The following CHAF1B variants were observed in gnomAD, a reference collection of about 807,000 sequenced individuals.
The protein encoded by CHAF1B is chromatin assembly factor 1 subunit B, also known as CAF-1 subunit B.
In CHAF1B, 10 loss-of-function variants were observed where a neutral mutation model predicts 60.7. The observed-to-expected ratio is 0.16, with a 90% CI of 0.10 to 0.28. CHAF1B has a LOEUF of 0.28. Among genes scored for constraint, CHAF1B ranks in the 10% least tolerant of loss-of-function variants. The probability of loss-of-function intolerance (pLI) is 1.00; values close to 1 mark genes in which losing one functional copy is unlikely to be tolerated. For missense variants in CHAF1B, 558 were observed against 708.4 expected (o/e 0.79, Z 2.41); for synonymous variants, 261 against 266.1 (o/e 0.98, Z 0.19).
intron 3 of CHAF1B, among the ~76,000 whole-genome samples, chr21:36,388,058 G>A (rs191707857): frequency 6.6e-6 from 1 of 152,170 alleles, no homozygotes; most frequent in Admixed American, 6.6e-5. Context: ...CCTGACCTCA[G>A]GTGATCCACC....
rs760522489 is a variant in CHAF1B, at chr21:36,413,188, G to A, written c.1366G>A (p.Val456Ile). 7 of 1,613,936 alleles carry A rather than the reference G, an allele frequency of 4.3e-6. No homozygotes were observed. In the Admixed American group the frequency reaches 1.0e-4, roughly 23 times the overall value. The change falls in exon 12 of 14, where the codon GTC (valine) becomes ATC (isoleucine). Residue 456 changes from valine to isoleucine, a missense_variant. Val to Ile is a conservative substitution (Grantham distance 29, BLOSUM62 3). Transcript: ENST00000314103. ...GGACCCTCCCTCCATCACTCCTGCT[G>A]TCAAAAGCCCCTTGCCGGGGCCTTC... ...IRDPPSITPA[V>I]KSPLPGPSEE...
At chr21:36,391,489 A>T in intron 3 of CHAF1B, 62 bp from the exon 4 acceptor site, 1 of 1,066,116 alleles carries the variant, frequency 9.4e-7, no homozygotes. Context: ...AATGAAAATA[A>T]AAATCCTAAT....
chr21:36,411,617 TA>T lies in CHAF1B; in HGVS notation c.1061+15del. 2 of 1,613,792 alleles carry T rather than the reference TA, an allele frequency of 1.2e-6. No individual in the cohort carries two copies. The highest frequency in any genetic ancestry group is 1.7e-6 in the Non-Finnish European group (2 of 1,179,852). On this transcript the variant is annotated intron_variant, in intron 11 of 13. Transcript: ENST00000314103. ...GTGACATTTCATGGTGAGTGGCTGC[TA>T]ATGAGGGAGAGTGAGTGAAGGAGAC...
In CHAF1B at chr21:36,417,495, A is replaced by C. The variant is rs542897476; in HGVS notation, c.*1129A>C. 2 of 151,878 alleles carry C rather than the reference A, an allele frequency of 1.3e-5. No individual in the cohort carries two copies. The highest frequency in any genetic ancestry group is 3.9e-4 in the East Asian group (2 of 5,164). The allele number at this position is 151,878 out of a possible 1,614,324, so 9.4% of individuals were successfully genotyped here. On this transcript the variant is annotated 3_prime_UTR_variant, in exon 14 of 14. Coordinates refer to ENST00000314103, the MANE Select transcript of CHAF1B (RefSeq NM_005441.3). Reference sequence around the variant, plus strand: ...CAGGTGTGTGCCACCACATCCGGCTAATTTTTATATTTTTAGTAGAGATGG... The same window carrying C: ...CAGGTGTGTGCCACCACATCCGGCTCATTTTTATATTTTTAGTAGAGATGG...
intron 5 of CHAF1B, among the ~76,000 whole-genome samples, chr21:36,396,358 C>CA (rs777079304): frequency 0.065 from 3,373 of 51,846 alleles, 124 homozygotes; most frequent in East Asian, 0.32. Context: ...CCAAAAACCT[C>CA]AAAAAAAAAA....
chr21:36,406,981 A>G (rs1187380958), intron 8 of CHAF1B, among the ~76,000 whole-genome samples: 2 of 152,200 alleles, frequency 1.3e-5, no homozygotes, highest in Admixed American at 6.5e-5. Flanking sequence ...ATAGGAGGAC[A>G]TTCTAGGAAT....
intron 6 of CHAF1B, 186 bp downstream of exon 6, chr21:36,397,697 A>C: frequency 2.8e-6 from 1 of 352,040 alleles, no homozygotes; most frequent in Non-Finnish European, 5.1e-6. Context: ...AGTGCCTTAC[A>C]CGAAGTTTGT....
Position 36,386,103 on chromosome 21 carries a change from C to G in CHAF1B, c.-34C>G, listed in dbSNP as rs1298412127. ...TGTCTTGAAGAAGTAGAACGGTGCC[C>G]GAGAAACGTTTTTCCCCTTCGAGAC... On this transcript the variant is annotated 5_prime_UTR_variant, in exon 2 of 14. Coordinates refer to ENST00000314103, the MANE Select transcript of CHAF1B (RefSeq NM_005441.3). The G allele has an allele frequency of 6.2e-7, 1 of 1,612,838 alleles. No individual in the cohort carries two copies. Among genetic ancestry groups the G allele is most frequent in the Non-Finnish European group, 8.5e-7 (1 of 1,179,356 alleles).
At chr21:36,409,300 CA>C in intron 9 of CHAF1B, 73 bp from the exon 10 acceptor site, 1 of 1,272,900 alleles carries the variant, frequency 7.9e-7, no homozygotes, top group East Asian at 2.3e-5. Flanking sequence ...CGCGCCCTGC[CA>C]AAATGTTTAC....
intron 7 of CHAF1B, among the ~76,000 whole-genome samples, chr21:36,399,977 G>GT (rs770084947): frequency 6.6e-6 from 1 of 152,184 alleles, no homozygotes; most frequent in Non-Finnish European, 1.5e-5. Context: ...TCAGGAGTTT[G>GT]AGACCAGCCT....
Position 36,417,783 on chromosome 21 carries a change from G to A in CHAF1B, c.*1417G>A, listed in dbSNP as rs1226927905. The stretch of plus-strand genomic sequence containing the variant: ...TGCCTGGTCAAATGGTATCTGTTTT[G>A]ACGGGTGGTTCTCAACTGTAGCTGC... On this transcript the variant is annotated 3_prime_UTR_variant, in exon 14 of 14. Transcript: ENST00000314103. The A allele has an allele frequency of 1.3e-5, 2 of 151,736 alleles. No homozygotes were observed. The highest frequency in any genetic ancestry group is 2.9e-5 in the Non-Finnish European group (2 of 67,932). 9.4% of individuals were successfully genotyped at this position (151,736 alleles called of 1,614,324 possible). A position where few individuals can be genotyped will look rare whatever the true frequency, so the allele number is the denominator to read the frequency against.
At chr21:36,389,800 T>TGTGTGTGCGCGCGCGCGCGCGCGC in intron 3 of CHAF1B, among the ~76,000 whole-genome samples, 78 of 124,778 alleles carry the variant, frequency 6.3e-4, no homozygotes, top group African/African-American at 2.6e-3. Flanking sequence ...TGTGTGTGTG[T>TGTGTGTGCGCGCGCGCGCGCGCGC]GCGCGCGCAC....
rs768999931 is a variant in CHAF1B, at chr21:36,392,835, C to G, written c.377+1167C>G. ...GGCGGCCGGGCAGAGGCTGCAATCT[C>G]AGCACTTTGGGAGGCCAAGGCAGGC... On this transcript the variant is annotated intron_variant, in intron 4 of 13. Coordinates refer to ENST00000314103, the MANE Select transcript of CHAF1B (RefSeq NM_005441.3). Among the ~76,000 whole-genome samples, 11 of 152,190 alleles carry G rather than the reference C, an allele frequency of 7.2e-5. 1 individual carries two copies. The highest frequency in any genetic ancestry group is 1.6e-4 in the Non-Finnish European group (11 of 68,030).
intron 10 of CHAF1B, among the ~76,000 whole-genome samples, chr21:36,409,855 GTT>G (rs1005313002): frequency 7.5e-6 from 1 of 133,996 alleles, no homozygotes; most frequent in Non-Finnish European, 1.6e-5. Flanking sequence ...ATACATGTCA[GTT>G]TTTTTTTTTT....
chr21:36,403,692 A>C (rs1372957259), intron 8 of CHAF1B, among the ~76,000 whole-genome samples: 1 of 152,194 alleles, frequency 6.6e-6, no homozygotes, highest in Non-Finnish European at 1.5e-5. Context: ...AGGACTAGAT[A>C]GGTTTATTGT....
At chr21:36,415,437 T>C in intron 13 of CHAF1B, 48 bp downstream of exon 13, 1 of 1,254,130 alleles carries the variant, frequency 8.0e-7, no homozygotes, top group Non-Finnish European at 1.2e-6. Flanking sequence ...TAGAGTATCT[T>C]TTCTTTTGTT....
At chr21:36,386,361 G>A (rs1002188461) in intron 2 of CHAF1B, 99 bp downstream of exon 2, 5 of 1,447,624 alleles carry the variant, frequency 3.5e-6, no homozygotes, top group African/African-American at 2.8e-5. Flanking sequence ...GGTGGCTTAC[G>A]CCTGTAATCC....
chr21:36,388,318 T>C (rs1206497284), intron 3 of CHAF1B, among the ~76,000 whole-genome samples: 1 of 152,172 alleles, frequency 6.6e-6, no homozygotes, highest in African/African-American at 2.4e-5. Flanking sequence ...GGAAAGGCAC[T>C]TACCATTCTG....
Position 36,410,022 on chromosome 21 carries a change from G to T in CHAF1B, c.919+557G>T, listed in dbSNP as rs560881867. Among the ~76,000 whole-genome samples the T allele has an allele frequency of 1.2e-4, 18 of 150,452 alleles. No homozygotes were observed. The East Asian group carries it at 2.9e-3, about 25-fold the overall frequency. On this transcript the variant is annotated intron_variant, in intron 10 of 13. Transcript: ENST00000314103. The stretch of plus-strand genomic sequence containing the variant: ...TCTGTCGCCCAGGCTGGAGTGCAGT[G>T]GTGCAATCTTGGCTCACTGCAAACC...
Sources: allele counts gnomAD v4.1 joint callset (sites outside exome capture counted in the v4.1 genomes callset), GRCh38; gene constraint gnomAD v4.1.1; transcripts MANE v1.5; gene names NCBI Gene and HGNC (gene_info 2026-07-23, HGNC 2026-07-21).